CDK14: variants seen among roughly 807,000 people sequenced by gnomAD.
CDK14 encodes cyclin dependent kinase 14.
A neutral mutation model predicts 60.7 loss-of-function variants in CDK14; 34 were observed. The ratio of observed to expected loss-of-function variants is 0.56; its 90% CI spans 0.43 to 0.75. The LOEUF (loss-of-function observed/expected upper bound fraction) is 0.75. Among genes scored for constraint, CDK14 ranks in the 30% least tolerant of loss-of-function variants. The probability of loss-of-function intolerance (pLI) is 0.00; values close to 1 mark genes in which losing one functional copy is unlikely to be tolerated. For missense variants in CDK14, 482 were observed against 564.1 expected (o/e 0.85, Z 1.47); for synonymous variants, 197 against 203.7 (o/e 0.97, Z 0.28).
chr7:90,683,966 G>A (rs962119863), intron 2 of CDK14, among the ~76,000 whole-genome samples: 13 of 151,906 alleles, frequency 8.6e-5, no homozygotes, highest in Admixed American at 7.2e-4. Context: ...ATGCATGTAT[G>A]TGTATATATG....
chr7:90,803,075 T>C (rs2117010544), intron 5 of CDK14, among the ~76,000 whole-genome samples: 1 of 150,136 alleles, frequency 6.7e-6, no homozygotes, highest in Admixed American at 6.7e-5. Flanking sequence ...GGAATATTGG[T>C]TGGCAGTTTT....
chr7:90,905,380 G>A (rs1792662467), intron 7 of CDK14, among the ~76,000 whole-genome samples: 1 of 152,056 alleles, frequency 6.6e-6, no homozygotes, highest in Admixed American at 6.6e-5. Flanking sequence ...ACAAACAAAA[G>A]AACTAGATTA....
chr7:90,912,101 C>T (rs1038040774), intron 7 of CDK14, among the ~76,000 whole-genome samples: 2 of 152,108 alleles, frequency 1.3e-5, no homozygotes, highest in Middle Eastern at 3.4e-3. Context: ...TTCAGTGATC[C>T]GACTGATGGA....
Position 91,209,463 on chromosome 7 carries a change from C to G in CDK14, c.*2327C>G, listed in dbSNP as rs1183044544. The G allele has an allele frequency of 6.6e-6, 1 of 152,142 alleles. No individual in the cohort carries two copies. The allele number at this position is 152,142 out of a possible 1,614,324, so 9.4% of individuals were successfully genotyped here. A position where few individuals can be genotyped will look rare whatever the true frequency, so the allele number is the denominator to read the frequency against. ...CCTCTCACTCCCTCCCTCCCTCTCT[C>G]CTTCCCCTATTTGCAATCATATTCT... On this transcript the variant is annotated 3_prime_UTR_variant, in exon 15 of 15. Transcript: ENST00000380050.
intron 11 of CDK14, among the ~76,000 whole-genome samples, chr7:91,054,873 A>G (rs1339296568): frequency 6.6e-6 from 1 of 152,228 alleles, no homozygotes; most frequent in Non-Finnish European, 1.5e-5. Context: ...TGGAAAGCCA[A>G]GGTGAAGAGT....
chr7:90,991,023 G>A (rs1280803840), intron 10 of CDK14, among the ~76,000 whole-genome samples: 1 of 152,204 alleles, frequency 6.6e-6, no homozygotes, highest in Non-Finnish European at 1.5e-5. Context: ...AGGTCAGAAA[G>A]ATGTTGCAAA....
intron 2 of CDK14, among the ~76,000 whole-genome samples, chr7:90,666,667 G>A (rs368603620): frequency 5.9e-5 from 9 of 152,288 alleles, no homozygotes; most frequent in African/African-American, 2.2e-4. Flanking sequence ...CTTAAAACAT[G>A]GTTTTGGTTA....
intron 10 of CDK14, among the ~76,000 whole-genome samples, chr7:91,018,520 C>G (rs1562870486): frequency 6.6e-6 from 1 of 152,170 alleles, no homozygotes; most frequent in Non-Finnish European, 1.5e-5. Context: ...ACTCTATCTC[C>G]TCAACTCCTT....
chr7:90,799,373 C>T (rs1046710790), intron 5 of CDK14, among the ~76,000 whole-genome samples: 5 of 152,088 alleles, frequency 3.3e-5, no homozygotes, highest in African/African-American at 4.8e-5. Flanking sequence ...CTAAGGTTAA[C>T]GCTAGCATGT....
At chr7:91,052,205 G>C (rs910434971) in intron 11 of CDK14, among the ~76,000 whole-genome samples, 1 of 152,174 alleles carries the variant, frequency 6.6e-6, no homozygotes, top group African/African-American at 2.4e-5. Context: ...ATCTAGTCTG[G>C]CTTTCTTCTT....
At chr7:90,822,970 T>C (rs1789602828) in intron 5 of CDK14, among the ~76,000 whole-genome samples, 1 of 152,200 alleles carries the variant, frequency 6.6e-6, no homozygotes, top group South Asian at 2.1e-4. Context: ...ACAAAAAGTT[T>C]TAAAATCATT....
intron 2 of CDK14, among the ~76,000 whole-genome samples, chr7:90,651,154 C>T (rs1432747588): frequency 6.6e-6 from 1 of 152,132 alleles, no homozygotes; most frequent in East Asian, 1.9e-4. Flanking sequence ...TTGTAGTTCT[C>T]CTTGAAGAGG....
At chr7:90,645,025 T>A (rs900901949) in intron 2 of CDK14, among the ~76,000 whole-genome samples, 2 of 152,208 alleles carry the variant, frequency 1.3e-5, no homozygotes, top group African/African-American at 4.8e-5. Flanking sequence ...TAAGCTTTTT[T>A]ATTATTATTT....
At chr7:91,079,764 A>G (rs973447050) in intron 12 of CDK14, among the ~76,000 whole-genome samples, 1 of 152,188 alleles carries the variant, frequency 6.6e-6, no homozygotes, top group Non-Finnish European at 1.5e-5. Context: ...TCCAAGAAAT[A>G]TTTTTGTATC....
intron 2 of CDK14, among the ~76,000 whole-genome samples, chr7:90,610,884 A>T (rs4601236): frequency 1.3e-5 from 2 of 152,192 alleles, no homozygotes; most frequent in African/African-American, 4.8e-5. Context: ...ACTTCGATAT[A>T]TGAATTTTTG....
At chr7:90,772,390 G>A (rs572813008) in intron 4 of CDK14, among the ~76,000 whole-genome samples, 2 of 152,164 alleles carry the variant, frequency 1.3e-5, no homozygotes, top group Non-Finnish European at 2.9e-5. Flanking sequence ...TGGAACTTGA[G>A]GCTTCCTGGG....
intron 2 of CDK14, among the ~76,000 whole-genome samples, chr7:90,678,693 A>G (rs1310690752): frequency 2.0e-5 from 3 of 152,194 alleles, no homozygotes; most frequent in Non-Finnish European, 4.4e-5. Flanking sequence ...GCACAAGAGC[A>G]GAGTGTAGGG....
chr7:91,176,444 G>C (rs1801759600), intron 14 of CDK14, among the ~76,000 whole-genome samples: 1 of 151,972 alleles, frequency 6.6e-6, no homozygotes, highest in African/African-American at 2.4e-5. Flanking sequence ...GCAGAAGCAA[G>C]AAATAACTAA....
intron 14 of CDK14, among the ~76,000 whole-genome samples, chr7:91,156,060 A>G (rs919826225): frequency 6.6e-6 from 1 of 152,176 alleles, no homozygotes; most frequent in Non-Finnish European, 1.5e-5. Context: ...CTGTTATTAC[A>G]TTTTAAGGCC....
Sources: gnomAD v4.1 joint callset for allele counts (sites outside exome capture counted in the v4.1 genomes callset) on GRCh38, gnomAD v4.1.1 for gene constraint, MANE v1.5 for transcripts, NCBI Gene and HGNC (gene_info 2026-07-23, HGNC 2026-07-21) for gene names.